The following VEPH1 variants were observed in gnomAD, a reference collection of about 807,000 sequenced individuals.
VEPH1 encodes the protein ventricular zone-expressed PH domain-containing protein homolog 1.
A neutral mutation model predicts 85.2 loss-of-function variants in VEPH1; 80 were observed. That is an observed-to-expected ratio of 0.94 (90% CI 0.78 to 1.13). VEPH1 has a LOEUF of 1.13. Among genes scored for constraint, VEPH1 ranks in the 50% most tolerant of loss-of-function variants. VEPH1 has a pLI of 0.00. For missense variants in VEPH1, 955 were observed against 980.5 expected, an observed-to-expected ratio of 0.97 and a Z score of 0.35; for synonymous variants, 297 against 348.0, an observed-to-expected ratio of 0.85 and a Z score of 1.63.
At chr3:157,285,597 C>T (rs537338962) in intron 12 of VEPH1, among the ~76,000 whole-genome samples, 78 of 152,350 alleles carry the variant, frequency 5.1e-4, no homozygotes, top group Middle Eastern at 3.4e-3. Context: ...CTTTTTAACA[C>T]TGCTCTTGTG....
chr3:157,415,477 G>A (rs1263256103), intron 5 of VEPH1, among the ~76,000 whole-genome samples: 1 of 152,152 alleles, frequency 6.6e-6, no homozygotes, highest in Non-Finnish European at 1.5e-5. Context: ...GCGGGACATG[G>A]AGCTGAGATC....
intron 7 of VEPH1, among the ~76,000 whole-genome samples, chr3:157,377,580 G>A (rs962538199): frequency 6.6e-6 from 1 of 152,056 alleles, no homozygotes; most frequent in African/African-American, 2.4e-5. Flanking sequence ...TGAATCATAG[G>A]GGCAGTTTCC....
intron 2 of VEPH1, among the ~76,000 whole-genome samples, chr3:157,483,956 A>T (rs1738381188): frequency 6.6e-6 from 1 of 152,170 alleles, no homozygotes; most frequent in African/African-American, 2.4e-5. Context: ...ACAAAATTGA[A>T]AAAAGACATA....
At chr3:157,494,878 C>T (rs1402472649) in intron 2 of VEPH1, among the ~76,000 whole-genome samples, 1 of 152,098 alleles carries the variant, frequency 6.6e-6, no homozygotes, top group African/African-American at 2.4e-5. Flanking sequence ...GTCTGCTTTT[C>T]CCTGGATTGG....
chr3:157,460,397 T>C lies in VEPH1; in HGVS notation c.355-42A>G, dbSNP rs190987804. 8.9e-6 allele frequency: 14 copies of C among 1,575,512 alleles called. No individual in the cohort carries two copies. The East Asian group carries it at 2.0e-4, about 23-fold the overall frequency. On this transcript the variant is annotated intron_variant, in intron 3 of 13. Transcript: ENST00000362010. ...AAGCCACAAATAATAAGTGACTCAT[T>C]ATTCATTTATTCATTCATTCACTCA...
At chr3:157,288,832 T>A (rs1005013137) in intron 11 of VEPH1, among the ~76,000 whole-genome samples, 9 of 152,168 alleles carry the variant, frequency 5.9e-5, no homozygotes, top group Non-Finnish European at 1.0e-4. Flanking sequence ...AAGACTCTTA[T>A]GGCTTGTGTT....
intron 2 of VEPH1, among the ~76,000 whole-genome samples, chr3:157,484,457 G>A (rs1278940499): frequency 6.6e-6 from 1 of 152,086 alleles, no homozygotes; most frequent in Admixed American, 6.5e-5. Context: ...ACATGCCACT[G>A]CACTTGCTGA....
intron 13 of VEPH1, among the ~76,000 whole-genome samples, chr3:157,261,983 G>C (rs181374970): frequency 2.0e-5 from 3 of 152,238 alleles, no homozygotes; most frequent in Admixed American, 6.5e-5. Context: ...ATAATTTTAA[G>C]GGGCCAGATA....
In VEPH1 at chr3:157,272,368, C is replaced by CTTTCTTT. The variant is rs1479211870; in HGVS notation, c.2129-6707_2129-6706insAAAGAAA. Among the ~76,000 whole-genome samples the CTTTCTTT allele has an allele frequency of 9.4e-3, 1,130 of 119,766 alleles. 18 individuals carry two copies. Among genetic ancestry groups the CTTTCTTT allele is most frequent in the Non-Finnish European group, 0.013 (741 of 56,834 alleles). 78.6% of individuals were successfully genotyped at this position (119,766 alleles called of 152,430 possible). On this transcript the variant is annotated intron_variant, in intron 12 of 13. Coordinates refer to ENST00000362010, the MANE Select transcript of VEPH1 (RefSeq NM_001167912.2). ...TCTTTTTCTCTCTCTTTCTTTCTTT[C>CTTTCTTT]TCTTTCTTTTCTTTCTTTCTTTCTT... is the stretch of plus-strand genomic sequence containing the variant.
chr3:157,424,891 G>C (rs1015157539), intron 5 of VEPH1, among the ~76,000 whole-genome samples: 2 of 152,172 alleles, frequency 1.3e-5, no homozygotes, highest in South Asian at 2.1e-4. Context: ...AATTCAAGCC[G>C]GATGCAGAAA....
chr3:157,275,907 G>T (rs1715332861), intron 12 of VEPH1, among the ~76,000 whole-genome samples: 1 of 151,954 alleles, frequency 6.6e-6, no homozygotes, highest in Admixed American at 6.6e-5. Flanking sequence ...AATTCCAGAG[G>T]ATATGCAAAA....
intron 7 of VEPH1, among the ~76,000 whole-genome samples, chr3:157,370,197 G>T (rs145876603): frequency 1.6e-4 from 24 of 152,266 alleles, no homozygotes; most frequent in African/African-American, 5.5e-4. Flanking sequence ...TTGTGTGAAC[G>T]GGGACTTCCC....
At chr3:157,343,237 G>T (rs1208108833) in intron 9 of VEPH1, among the ~76,000 whole-genome samples, 1 of 152,088 alleles carries the variant, frequency 6.6e-6, no homozygotes, top group African/African-American at 2.4e-5. Context: ...ATGAATCCAG[G>T]AGCTGGTTTT....
At chr3:157,315,994 G>A (rs1720711049) in intron 10 of VEPH1, 1 of 152,036 alleles carries the variant, frequency 6.6e-6, no homozygotes, top group African/African-American at 2.4e-5. Context: ...AATGTGAGTT[G>A]TTCTCTATGA....
At chr3:157,267,511 G>A (rs775113335) in intron 12 of VEPH1, among the ~76,000 whole-genome samples, 6 of 151,716 alleles carry the variant, frequency 4.0e-5, no homozygotes, top group Non-Finnish European at 8.8e-5. Context: ...CTGGCCAGGC[G>A]CAGCAGCTCA....
intron 9 of VEPH1, among the ~76,000 whole-genome samples, chr3:157,349,876 G>A (rs1724668989): frequency 6.6e-6 from 1 of 152,030 alleles, no homozygotes; most frequent in Non-Finnish European, 1.5e-5. Flanking sequence ...AATTTAGGGG[G>A]ATACAAACAA....
At chr3:157,404,132 C>T (rs1730979228) in intron 6 of VEPH1, among the ~76,000 whole-genome samples, 1 of 152,086 alleles carries the variant, frequency 6.6e-6, no homozygotes, top group African/African-American at 2.4e-5. Context: ...CATCAGATGC[C>T]ATCTACTAGT....
chr3:157,488,910 TTC>T (rs58292793), intron 2 of VEPH1: 13,410 of 127,334 alleles, frequency 0.11, 730 homozygotes, highest in East Asian at 0.26. Flanking sequence ...CTTAAGTTCG[TTC>T]TCTCTCTCTC....
intron 6 of VEPH1, among the ~76,000 whole-genome samples, chr3:157,396,673 C>T (rs7629293): frequency 0.67 from 102,003 of 152,068 alleles, 34,562 homozygotes; most frequent in South Asian, 0.75. Flanking sequence ...GGTTTTGATC[C>T]GCATTTCTTT....
Sources: gnomAD v4.1 joint callset for allele counts (sites outside exome capture counted in the v4.1 genomes callset) on GRCh38, gnomAD v4.1.1 for gene constraint, MANE v1.5 for transcripts, NCBI Gene and HGNC (gene_info 2026-07-23, HGNC 2026-07-21) for gene names.